SHANK2: variants seen among roughly 807,000 people sequenced by gnomAD.
SHANK2 encodes the protein SH3 and multiple ankyrin repeat domains 2, also known as SH3 and multiple ankyrin repeat domains protein 2.
SHANK2 carries 43 observed loss-of-function variants against 133.7 expected under a neutral mutation model. The ratio of observed to expected loss-of-function variants is 0.32; its 90% CI spans 0.25 to 0.41. The LOEUF is 0.41. SHANK2 is among the 10% of genes least tolerant of loss of function. The probability of loss-of-function intolerance (pLI) is 1.00; values close to 1 mark genes in which losing one functional copy is unlikely to be tolerated. For synonymous variants in SHANK2, 1,017 were observed against 952.8 expected, an observed-to-expected ratio of 1.07 and a Z score of -1.24; for missense variants, 1,994 against 2,235.8, an observed-to-expected ratio of 0.89 and a Z score of 2.18.
chr11:70,696,195 C>T (rs540262586), intron 15 of SHANK2, among the ~76,000 whole-genome samples: 2 of 152,298 alleles, frequency 1.3e-5, no homozygotes, highest in Non-Finnish European at 2.9e-5. Context: ...CCTGAGGCAG[C>T]CTGAACAGCC....
chr11:71,137,348 CA>C (rs1555104965), intron 3 of SHANK2, among the ~76,000 whole-genome samples: 1 of 128,784 alleles, frequency 7.8e-6, no homozygotes, highest in Non-Finnish European at 1.6e-5. Flanking sequence ...GAGCAAATAA[CA>C]GTGGGGCCAG....
intron 6 of SHANK2, among the ~76,000 whole-genome samples, chr11:71,096,524 C>G (rs1222910143): frequency 6.6e-6 from 1 of 152,158 alleles, no homozygotes; most frequent in Non-Finnish European, 1.5e-5. Context: ...CCGAGGGCAT[C>G]TGGGGAGTTT....
intron 17 of SHANK2, among the ~76,000 whole-genome samples, chr11:70,542,024 G>C (rs1367570912): frequency 1.3e-5 from 2 of 152,222 alleles, no homozygotes; most frequent in Non-Finnish European, 2.9e-5. Context: ...ACTCCTCTGT[G>C]CACGGGCCAC....
chr11:70,789,967 C>G (rs1013878052), intron 14 of SHANK2, among the ~76,000 whole-genome samples: 3 of 152,238 alleles, frequency 2.0e-5, no homozygotes, highest in African/African-American at 4.8e-5. Flanking sequence ...CAGGGATAAA[C>G]AGAGAGCCCT....
chr11:70,641,368 C>G (rs141911016), intron 17 of SHANK2, among the ~76,000 whole-genome samples: 2 of 152,178 alleles, frequency 1.3e-5, no homozygotes, highest in Non-Finnish European at 2.9e-5. Context: ...GCTGGGATTA[C>G]AGGCATAAGC....
chr11:71,169,178 G>C (rs927938559), intron 2 of SHANK2, among the ~76,000 whole-genome samples: 18 of 152,170 alleles, frequency 1.2e-4, no homozygotes, highest in Non-Finnish European at 1.8e-4. Flanking sequence ...TGTGGTCGCC[G>C]TACTGGCTTA....
intron 13 of SHANK2, among the ~76,000 whole-genome samples, chr11:70,805,291 G>A (rs1481615835): frequency 6.6e-6 from 1 of 152,234 alleles, no homozygotes; most frequent in Non-Finnish European, 1.5e-5. Flanking sequence ...GCCTGGACAA[G>A]AAGACCGTGT....
intron 1 of SHANK2, among the ~76,000 whole-genome samples, chr11:71,236,155 C>T (rs1326628607): frequency 6.6e-6 from 1 of 152,204 alleles, no homozygotes; most frequent in Non-Finnish European, 1.5e-5. Context: ...GAACACTCCT[C>T]ATTCTCCACA....
intron 17 of SHANK2, among the ~76,000 whole-genome samples, chr11:70,570,191 T>G (rs1403095942): frequency 6.6e-6 from 1 of 152,198 alleles, no homozygotes; most frequent in Non-Finnish European, 1.5e-5. Context: ...AAAGTAGGTT[T>G]GGCTGGCGGC....
chr11:70,839,093 T>C (rs782257697), intron 11 of SHANK2, among the ~76,000 whole-genome samples: 1 of 152,228 alleles, frequency 6.6e-6, no homozygotes, highest in Non-Finnish European at 1.5e-5. Context: ...TCCATCACTA[T>C]GGGAAAGCAG....
At position 70,502,752 on chromosome 11, in the gene SHANK2, C is replaced by CT. The variant is rs1555159049; in HGVS notation, c.2197+43_2197+44insA. On this transcript the variant is annotated intron_variant, in intron 18 of 25. Coordinates refer to ENST00000601538, the MANE Select transcript of SHANK2 (RefSeq NM_012309.5). Reference sequence around the variant, plus strand: ...TCCTGCCCGCCCCCACCCCCCCCCCCCAGTAGGGCCCCAGGCTGGAGCTGG... The same window carrying CT: ...TCCTGCCCGCCCCCACCCCCCCCCCCTCAGTAGGGCCCCAGGCTGGAGCTGG... 6 of 1,345,182 alleles carry CT rather than the reference C, an allele frequency of 4.5e-6. No individual in the cohort carries two copies. In the East Asian group the frequency reaches 1.8e-4, roughly 40 times the overall value. The allele number at this position is 1,345,182 out of a possible 1,614,324, so 83.3% of individuals were successfully genotyped here. A position where few individuals can be genotyped will look rare whatever the true frequency, so the allele number is the denominator to read the frequency against.
In SHANK2 at chr11:70,518,454, C is replaced by T. The variant is rs2059292276; in HGVS notation, c.2062-15523G>A. 3.3e-5 allele frequency among the ~76,000 whole-genome samples: 5 copies of T among 152,368 alleles called. No homozygotes were observed. The South Asian group carries it at 1.0e-3, about 32-fold the overall frequency. On this transcript the variant is annotated intron_variant, in intron 17 of 25. Transcript: ENST00000601538. ...ATGAGGCACCGCGTCATGGCTCAGG[C>T]TCCCTGAGTGTACAGCTGGTTTACT... is the stretch of plus-strand genomic sequence containing the variant.
intron 11 of SHANK2, among the ~76,000 whole-genome samples, chr11:70,865,556 C>T (rs560532423): frequency 2.6e-5 from 4 of 152,096 alleles, no homozygotes; most frequent in Admixed American, 6.6e-5. Context: ...ATTCCCCAAC[C>T]GCCCATTGGA....
At chr11:71,160,770 A>G (rs1336750263) in intron 2 of SHANK2, among the ~76,000 whole-genome samples, 3 of 152,216 alleles carry the variant, frequency 2.0e-5, no homozygotes, top group Non-Finnish European at 4.4e-5. Context: ...AACGTATGCC[A>G]TTTTGTCCCC....
At chr11:70,912,931 T>A (rs1950217483) in intron 10 of SHANK2, among the ~76,000 whole-genome samples, 1 of 152,114 alleles carries the variant, frequency 6.6e-6, no homozygotes, top group Admixed American at 6.6e-5. Flanking sequence ...GAACAAAAAT[T>A]GACCACAAAA....
chr11:70,480,636 A>G (rs2058720791), intron 25 of SHANK2, among the ~76,000 whole-genome samples: 1 of 152,212 alleles, frequency 6.6e-6, no homozygotes, highest in Non-Finnish European at 1.5e-5. Context: ...TGGGCACAGC[A>G]TGGCACCTGG....
chr11:70,783,646 G>A lies in SHANK2; in HGVS notation c.1777+14797C>T, dbSNP rs145264525. Among the ~76,000 whole-genome samples the A allele has an allele frequency of 6.8e-3, 1,039 of 152,216 alleles. 14 individuals are homozygous for A. Among genetic ancestry groups the A allele is most frequent in the African/African-American group, 0.024 (978 of 41,536 alleles). ...CAACTGTGTGCGAGACCAGCCCTGG[G>A]CAGAGACAGTTATCCTGGGGAGGGA... On this transcript the variant is annotated intron_variant, in intron 14 of 25. Transcript: ENST00000601538.
chr11:70,697,374 G>A (rs1406583179), intron 15 of SHANK2, among the ~76,000 whole-genome samples: 1 of 152,238 alleles, frequency 6.6e-6, no homozygotes, highest in Non-Finnish European at 1.5e-5. Context: ...ACATGATGCA[G>A]CGTGGAAGAG....
intron 14 of SHANK2, among the ~76,000 whole-genome samples, chr11:70,726,627 C>T (rs1377031497): frequency 1.3e-5 from 2 of 152,160 alleles, no homozygotes; most frequent in African/African-American, 4.8e-5. Flanking sequence ...TTTGGGAAGG[C>T]AGGTGGGGGT....
Sources: gnomAD v4.1 joint callset for allele counts (sites outside exome capture counted in the v4.1 genomes callset) on GRCh38, gnomAD v4.1.1 for gene constraint, MANE v1.5 for transcripts, NCBI Gene and HGNC (gene_info 2026-07-23, HGNC 2026-07-21) for gene names.